CFAP43: variants seen among roughly 807,000 people sequenced by gnomAD.
The protein encoded by CFAP43 is cilia and flagella associated protein 43, also known as cilia- and flagella-associated protein 43.
Under a neutral mutation model 218.9 loss-of-function variants are expected in CFAP43, and 155 were observed. That is an observed-to-expected ratio of 0.71 (90% confidence interval 0.62 to 0.81). The LOEUF (loss-of-function observed/expected upper bound fraction) is 0.81, where lower values mean the gene tolerates loss of function less well. CFAP43 is among the 30% of genes least tolerant of loss of function. The probability of loss-of-function intolerance (pLI) is 0.00; values close to 1 mark genes in which losing one functional copy is unlikely to be tolerated. For synonymous variants in CFAP43, 645 were observed against 681.3 expected (o/e 0.95, Z 0.83); for missense variants, 1,778 against 1,954.3 (o/e 0.91, Z 1.70).
At chr10:104,203,972 C>T (rs2090608539) in intron 7 of CFAP43, among the ~76,000 whole-genome samples, 169 bp from the exon 8 acceptor site, 1 of 152,162 alleles carries the variant, frequency 6.6e-6, no homozygotes, top group Admixed American at 6.5e-5. Context: ...CAACTTTTAA[C>T]TATGTTCCCT....
chr10:104,178,281 A>G (rs764828817), intron 19 of CFAP43, among the ~76,000 whole-genome samples: 18 of 152,250 alleles, frequency 1.2e-4, no homozygotes, highest in Non-Finnish European at 2.2e-4. Context: ...GCACTCACAG[A>G]TTGATCACTT....
At chr10:104,156,976 G>A (rs1444122628) in intron 27 of CFAP43, among the ~76,000 whole-genome samples, 2 of 152,122 alleles carry the variant, frequency 1.3e-5, no homozygotes, top group African/African-American at 4.8e-5. Flanking sequence ...AACTGGCAAG[G>A]GGATAGGGAT....
Position 104,166,734 on chromosome 10 carries a change from G to A in CFAP43, c.2809-16C>T, listed in dbSNP as rs781533965. The stretch of plus-strand genomic sequence containing the variant: ...CCTTCCGTAGCTACATGTAGAAAAA[G>A]ATGACACAGAAGTTATGCAATAATA... On this transcript the variant is annotated splice_polypyrimidine_tract_variant and intron_variant, in intron 22 of 37. Transcript: ENST00000357060. 5 of 1,586,050 alleles carry A rather than the reference G, an allele frequency of 3.2e-6. No individual in the cohort carries two copies. The highest frequency in any genetic ancestry group is 4.3e-6 in the Non-Finnish European group (5 of 1,165,574).
intron 16 of CFAP43, among the ~76,000 whole-genome samples, 199 bp from the exon 17 acceptor site, chr10:104,182,712 T>A (rs79194511): frequency 0.1 from 15,174 of 152,138 alleles, 807 homozygotes; most frequent in Middle Eastern, 0.18. Flanking sequence ...CTTTTTTTTT[T>A]AATTTTTATT....
At chr10:104,134,783 A>T (rs1393900375) in intron 34 of CFAP43, among the ~76,000 whole-genome samples, 1 of 152,198 alleles carries the variant, frequency 6.6e-6, no homozygotes, top group South Asian at 2.1e-4. Context: ...GGCTTCACTG[A>T]TGAATTCTAT....
At chr10:104,195,943 T>A (rs1036867804) in intron 10 of CFAP43, among the ~76,000 whole-genome samples, 5 of 152,230 alleles carry the variant, frequency 3.3e-5, no homozygotes, top group Non-Finnish European at 5.9e-5. Flanking sequence ...AGTTTGTGCA[T>A]TAATTATGCA....
intron 9 of CFAP43, among the ~76,000 whole-genome samples, chr10:104,197,529 GA>G (rs1421342919): frequency 1.3e-5 from 2 of 152,014 alleles, no homozygotes; most frequent in Non-Finnish European, 2.9e-5. Flanking sequence ...GCATTACCTG[GA>G]AAAAAAGATA....
At chr10:104,199,088 A>G (rs890381331) in intron 8 of CFAP43, among the ~76,000 whole-genome samples, 14 of 152,246 alleles carry the variant, frequency 9.2e-5, no homozygotes, top group Admixed American at 5.9e-4. Flanking sequence ...ATCCTACCAC[A>G]TGCTAAATAT....
At chr10:104,206,827 G>A (rs1471755374) in intron 6 of CFAP43, among the ~76,000 whole-genome samples, 2 of 152,154 alleles carry the variant, frequency 1.3e-5, no homozygotes, top group Non-Finnish European at 2.9e-5. Context: ...GATAGGGTCA[G>A]GAATAGACAC....
At chr10:104,132,544 G>T (rs2087246648) in intron 35 of CFAP43, 1 of 669,832 alleles carries the variant, frequency 1.5e-6, no homozygotes, top group Non-Finnish European at 1.8e-6. Context: ...GAACCCAGGA[G>T]GTGGAGGTTG....
intron 27 of CFAP43, among the ~76,000 whole-genome samples, chr10:104,156,142 A>C (rs944641325): frequency 6.6e-6 from 1 of 152,128 alleles, no homozygotes; most frequent in Non-Finnish European, 1.5e-5. Flanking sequence ...GAGTAAAGGG[A>C]AAGAAGGAAG....
At chr10:104,155,308 G>A (rs2088483917) in intron 27 of CFAP43, among the ~76,000 whole-genome samples, 2 of 152,134 alleles carry the variant, frequency 1.3e-5, no homozygotes. Flanking sequence ...GGTCTCAGGT[G>A]TAAAAGCCTC....
At chr10:104,133,555 G>A (rs2087296492) in intron 35 of CFAP43, 65 bp downstream of exon 35, 3 of 1,490,912 alleles carry the variant, frequency 2.0e-6, no homozygotes, top group East Asian at 4.7e-5. Context: ...ATTAAATACT[G>A]GTTAAATGAA....
At chr10:104,220,553 G>A (rs1038043613) in intron 3 of CFAP43, among the ~76,000 whole-genome samples, 1 of 151,474 alleles carries the variant, frequency 6.6e-6, no homozygotes, top group Non-Finnish European at 1.5e-5. Flanking sequence ...AACTATATAA[G>A]TTTAGGCAAG....
At chr10:104,182,567 T>C (rs990682614) in intron 16 of CFAP43, 54 bp from the exon 17 acceptor site, 3 of 1,492,664 alleles carry the variant, frequency 2.0e-6, no homozygotes, top group Non-Finnish European at 2.7e-6. Flanking sequence ...ATTTAAAAAA[T>C]CACATTTAGC....
chr10:104,229,245 C>A (rs1276398021), intron 2 of CFAP43, among the ~76,000 whole-genome samples: 1 of 152,180 alleles, frequency 6.6e-6, no homozygotes, highest in African/African-American at 2.4e-5. Flanking sequence ...GACTACAGAG[C>A]TAAGTCCAGC....
intron 34 of CFAP43, among the ~76,000 whole-genome samples, chr10:104,136,790 C>T (rs964856721): frequency 8.5e-5 from 13 of 152,094 alleles, no homozygotes; most frequent in African/African-American, 2.9e-4. Context: ...ACAACAAAAC[C>T]TAATTTGAAA....
chr10:104,184,665 C>A (rs1298537303), intron 16 of CFAP43, among the ~76,000 whole-genome samples: 1 of 152,048 alleles, frequency 6.6e-6, no homozygotes, highest in Admixed American at 6.6e-5. Context: ...ACCCTAATCA[C>A]CCCAGGGCCA....
At chr10:104,198,443 G>A (rs929516613) in intron 8 of CFAP43, among the ~76,000 whole-genome samples, 43 of 151,864 alleles carry the variant, frequency 2.8e-4, no homozygotes, top group African/African-American at 8.9e-4. Flanking sequence ...CACCACGCCC[G>A]GCTAATTTTG....
Sources: allele counts gnomAD v4.1 joint callset (sites outside exome capture counted in the v4.1 genomes callset), GRCh38; gene constraint gnomAD v4.1.1; transcripts MANE v1.5; gene names NCBI Gene and HGNC (gene_info 2026-07-23, HGNC 2026-07-21).